Variants in HMCN1 observed in about 807,000 individuals in gnomAD.
HMCN1 encodes hemicentin-1.
Under a neutral mutation model 625.9 loss-of-function variants are expected in HMCN1, and 321 were observed. The observed-to-expected ratio is 0.51, with a 90% CI of 0.47 to 0.56. The LOEUF (loss-of-function observed/expected upper bound fraction) is 0.56, where lower values mean the gene tolerates loss of function less well. HMCN1 is among the 20% of genes least tolerant of loss of function. The probability of loss-of-function intolerance (pLI) is 0.00; values close to 1 mark genes in which losing one functional copy is unlikely to be tolerated. For missense variants in HMCN1, 6,588 were observed against 6,887.3 expected, an observed-to-expected ratio of 0.96 and a Z score of 1.54; for synonymous variants, 2,425 against 2,417.6, an observed-to-expected ratio of 1.00 and a Z score of -0.09.
intron 9 of HMCN1, among the ~76,000 whole-genome samples, chr1:185,926,376 T>C (rs1010066100): frequency 6.6e-6 from 1 of 152,200 alleles, no homozygotes; most frequent in Admixed American, 6.5e-5. Flanking sequence ...GCCCCTTACA[T>C]AGTATATCTT....
In HMCN1 at chr1:185,873,696, T is replaced by C. The variant is rs60122498; in HGVS notation, c.621+7833T>C. On this transcript the variant is annotated intron_variant, in intron 4 of 106. Coordinates refer to ENST00000271588, the MANE Select transcript of HMCN1 (RefSeq NM_031935.3). ...ATAAGCAACTAACTCTCACAGAAAA[T>C]AGAAAAATGCAAAAGGTTTGTTATT... Among the ~76,000 whole-genome samples, 302 of 152,118 alleles carry C rather than the reference T, an allele frequency of 2.0e-3. 4 individuals carry two copies. The highest frequency in any genetic ancestry group is 7.1e-3 in the African/African-American group (295 of 41,566).
At chr1:185,797,909 T>G (rs1658510068) in intron 1 of HMCN1, among the ~76,000 whole-genome samples, 1 of 113,772 alleles carries the variant, frequency 8.8e-6, no homozygotes, top group Non-Finnish European at 1.6e-5. Flanking sequence ...GAGCTTGCAG[T>G]GAGCCGAGAT....
At chr1:185,994,109 ATTAAG>A (rs1291076681) in intron 23 of HMCN1, among the ~76,000 whole-genome samples, 3 of 152,154 alleles carry the variant, frequency 2.0e-5, no homozygotes, top group African/African-American at 2.4e-5. Context: ...TTCATTAAAT[ATTAAG>A]TTAAAGAAAA....
rs573100717 is a variant in HMCN1, at chr1:186,108,495, G to C, written c.10887G>C (p.Arg3629=). ...ATATTGCTGGAACTGATGAGCCCCG[G>C]GATATCACTGTGTTACGGAACAGAC... ...PPNIAGTDEP[R]DITVLRNRQV... is the part of the protein sequence containing the mutation. The change falls in exon 71 of 107, where the codon CGG becomes CGC. Residue 3629 remains arginine, a synonymous_variant. Transcript: ENST00000271588. 2 of 1,613,966 alleles carry C rather than the reference G, an allele frequency of 1.2e-6. No individual in the cohort carries two copies. The highest frequency in any genetic ancestry group is 1.7e-6 in the Non-Finnish European group (2 of 1,180,026).
chr1:186,072,036 G>A (rs1237471630), intron 52 of HMCN1, among the ~76,000 whole-genome samples: 1 of 152,066 alleles, frequency 6.6e-6, no homozygotes, highest in Non-Finnish European at 1.5e-5. Flanking sequence ...TTGTTAAATT[G>A]CAGCTTCAGG....
At chr1:186,045,269 T>G (rs930060964) in intron 40 of HMCN1, among the ~76,000 whole-genome samples, 2 of 152,196 alleles carry the variant, frequency 1.3e-5, no homozygotes, top group African/African-American at 2.4e-5. Flanking sequence ...TATTTTTTAA[T>G]GTTGCCTCTG....
At chr1:186,052,577 G>A (rs1657031405) in intron 42 of HMCN1, among the ~76,000 whole-genome samples, 1 of 151,980 alleles carries the variant, frequency 6.6e-6, no homozygotes, top group African/African-American at 2.4e-5. Context: ...AGCTAGCTAG[G>A]CAACAGTGAC....
intron 30 of HMCN1, among the ~76,000 whole-genome samples, chr1:186,010,995 C>T (rs1653963808): frequency 6.6e-6 from 1 of 151,724 alleles, no homozygotes; most frequent in Non-Finnish European, 1.5e-5. Context: ...TTAGTATTCT[C>T]TATCATCAAA....
intron 36 of HMCN1, among the ~76,000 whole-genome samples, chr1:186,033,871 GT>G (rs1305417521): frequency 6.6e-6 from 1 of 151,644 alleles, no homozygotes; most frequent in African/African-American, 2.4e-5. Flanking sequence ...TCTCCTCATG[GT>G]TTTTATTGTC....
chr1:186,039,684 A>G (rs1350866796), intron 38 of HMCN1, 44 bp from the exon 39 acceptor site: 2 of 1,585,114 alleles, frequency 1.3e-6, no homozygotes, highest in South Asian at 1.1e-5. Flanking sequence ...GAGATCACAA[A>G]TCCTGTGATA....
intron 4 of HMCN1, among the ~76,000 whole-genome samples, chr1:185,903,178 G>A (rs939871452): frequency 2.6e-5 from 4 of 151,694 alleles, no homozygotes; most frequent in Admixed American, 2.0e-4. Flanking sequence ...AAAATAACTA[G>A]CAGGAATGAT....
Position 186,128,145 on chromosome 1 carries a change from G to A in HMCN1, c.12758G>A (p.Ser4253Asn), listed in dbSNP as rs753886067. The A allele has an allele frequency of 1.9e-6, 3 of 1,613,568 alleles. No individual in the cohort carries two copies. Among genetic ancestry groups the A allele is most frequent in the Middle Eastern group, 1.6e-4 (1 of 6,082 alleles). The part of the protein sequence containing the change: ...NAAGEDTHTV[S>N]LTVHVLPTFT... ...GCAGGTGAAGATACACACACTGTCA[G>A]CCTGACTGTGCATGTTCTCCCCACT... The change falls in exon 83 of 107, where the codon AGC becomes AAC. Residue 4253 changes from serine (S) to asparagine (N), a missense_variant. Coordinates refer to ENST00000271588, the MANE Select transcript of HMCN1 (RefSeq NM_031935.3).
chr1:186,137,372 G>A, intron 87 of HMCN1, 126 bp from the exon 88 acceptor site: 1 of 1,097,878 alleles, frequency 9.1e-7, no homozygotes, highest in Non-Finnish European at 1.3e-6. Context: ...TTAAAGGAGA[G>A]CTTCCATACG....
chr1:186,184,516 G>GAAACT lies in HMCN1; in HGVS notation c.16414+2233_16414+2237dup, dbSNP rs558808829. 2.0e-3 allele frequency among the ~76,000 whole-genome samples: 311 copies of GAAACT among 152,224 alleles called. 1 individual carries two copies. Among genetic ancestry groups the GAAACT allele is most frequent in the Non-Finnish European group, 3.4e-3 (232 of 68,012 alleles). ...AGAATTGCCTAAGACACAGAGAGGAGAAACTAAAGGACCCTTATGCTAATT... is the reference window on the plus strand; with the variant it reads ...AGAATTGCCTAAGACACAGAGAGGAGAAACTAAACTAAAGGACCCTTATGCTAATT... On this transcript the variant is annotated intron_variant, in intron 105 of 106. Coordinates refer to ENST00000271588, the MANE Select transcript of HMCN1 (RefSeq NM_031935.3).
At chr1:186,163,035 G>C (rs112964327) in intron 97 of HMCN1, among the ~76,000 whole-genome samples, 17 of 152,190 alleles carry the variant, frequency 1.1e-4, no homozygotes, top group South Asian at 2.1e-4. Flanking sequence ...GCAGGCAGGC[G>C]TCCTTGAGCT....
At chr1:185,884,209 GTAATTACTGGTCCTGTGTGAACTC>G (rs2102397228) in intron 4 of HMCN1, among the ~76,000 whole-genome samples, 2 of 151,896 alleles carry the variant, frequency 1.3e-5, no homozygotes, top group East Asian at 3.9e-4. Context: ...AAGAACTCAT[GTAATTACTGGTCCTGTGTGAACTC>G]TAGGAATTTT....
At position 186,189,519 on chromosome 1, in the gene HMCN1, C is replaced by G; in HGVS notation, c.16549C>G (p.Leu5517Val). The G allele has an allele frequency of 6.2e-7, 1 of 1,613,140 alleles. No homozygotes were observed. Among genetic ancestry groups the G allele is most frequent in the Non-Finnish European group, 8.5e-7 (1 of 1,179,718 alleles). Residue 5517 changes from leucine (L) to valine (V), a missense_variant, in exon 107 of 107, where the codon CTC becomes GTC. Transcript: ENST00000271588. Reference protein sequence around the residue: ...YQRDPVSGFCLKNCPPNDLEC... With the variant: ...YQRDPVSGFCVKNCPPNDLEC... The stretch of plus-strand genomic sequence containing the variant: ...TATGTTTGTTGTCCTTAGGTTCTGC[C>G]TCAAGAACTGTCCACCCAATGATTT...
At chr1:185,757,699 A>G (rs1655222002) in intron 1 of HMCN1, among the ~76,000 whole-genome samples, 2 of 152,094 alleles carry the variant, frequency 1.3e-5, no homozygotes, top group Non-Finnish European at 2.9e-5. Context: ...TATCTTAATC[A>G]ACTGATATAT....
rs185570929 is a variant in HMCN1, at chr1:185,846,549, T to C, written c.339+453T>C. 7.5e-4 allele frequency among the ~76,000 whole-genome samples: 115 copies of C among 152,350 alleles called. 1 individual carries two copies. Among genetic ancestry groups the C allele is most frequent in the South Asian group, 4.1e-4 (2 of 4,834 alleles). On this transcript the variant is annotated intron_variant, in intron 2 of 106. Coordinates refer to ENST00000271588, the MANE Select transcript of HMCN1 (RefSeq NM_031935.3). ...TTGACTGTACATATAACTTGGTTATTAGAGAAGATGAATCACATTGGTTTA... is the reference window on the plus strand; with the variant it reads ...TTGACTGTACATATAACTTGGTTATCAGAGAAGATGAATCACATTGGTTTA...
Sources: gnomAD v4.1 joint callset for allele counts (sites outside exome capture counted in the v4.1 genomes callset) on GRCh38, gnomAD v4.1.1 for gene constraint, MANE v1.5 for transcripts, NCBI Gene and HGNC (gene_info 2026-07-23, HGNC 2026-07-21) for gene names.